The following CRACR2A variants were observed in gnomAD, a reference collection of about 807,000 sequenced individuals.
CRACR2A encodes the protein EF-hand calcium-binding domain-containing protein 4B.
In CRACR2A, 79 loss-of-function variants were observed where a neutral mutation model predicts 90.5. The ratio of observed to expected loss-of-function variants is 0.87; its 90% confidence interval spans 0.73 to 1.05. The LOEUF is 1.05. Ranked by LOEUF, CRACR2A falls within the 50% of genes least tolerant of loss-of-function variation. The pLI is 0.00. For synonymous variants in CRACR2A, 338 were observed against 356.7 expected (o/e 0.95, Z 0.59); for missense variants, 823 against 897.2 (o/e 0.92, Z 1.06).
intron 3 of CRACR2A, among the ~76,000 whole-genome samples, chr12:3,697,853 A>G (rs1024091469): frequency 6.6e-6 from 1 of 152,212 alleles, no homozygotes; most frequent in Non-Finnish European, 1.5e-5. Context: ...CCGAATCACA[A>G]ATCATACACT....
In CRACR2A at chr12:3,627,435, C is replaced by A. The variant is rs1944285518; in HGVS notation, c.1932+1G>T. ...TGCTCCTAGGAAGGTCGCCAGCTCA[C>A]CTCCACGCTGCTCAGCCACCGCCGG... On this transcript the variant is annotated splice_donor_variant, in intron 17 of 19. Transcript: ENST00000440314. LOFTEE classifies it high-confidence loss of function. 6.4e-7 allele frequency: 1 copy of A among 1,551,496 alleles called. No individual in the cohort carries two copies. The highest frequency in any genetic ancestry group is 8.7e-7 in the Non-Finnish European group (1 of 1,146,750).
intron 3 of CRACR2A, among the ~76,000 whole-genome samples, chr12:3,704,889 C>A (rs1372621294): frequency 6.6e-6 from 1 of 152,206 alleles, no homozygotes; most frequent in African/African-American, 2.4e-5. Context: ...CCCTGTGTCC[C>A]CTGGCTAGAC....
At chr12:3,660,480 C>T (rs1207928920) in intron 7 of CRACR2A, among the ~76,000 whole-genome samples, 1 of 152,028 alleles carries the variant, frequency 6.6e-6, no homozygotes, top group African/African-American at 2.4e-5. Flanking sequence ...AAACACACAG[C>T]CTATAGAGAG....
chr12:3,641,007 C>A (rs1162551182), intron 13 of CRACR2A, among the ~76,000 whole-genome samples: 1 of 152,214 alleles, frequency 6.6e-6, no homozygotes, highest in Non-Finnish European at 1.5e-5. Context: ...TTCTATTTGA[C>A]AGTTTAATTA....
At chr12:3,660,887 C>CACACACACACACA (rs1271154180) in intron 7 of CRACR2A, among the ~76,000 whole-genome samples, 2 of 118,978 alleles carry the variant, frequency 1.7e-5, no homozygotes, top group Admixed American at 9.4e-5. Flanking sequence ...CACACACACA[C>CACACACACACACA]AATTTTGGCC....
chr12:3,619,301 G>A lies in CRACR2A; in HGVS notation c.2004C>T (p.Val668=), dbSNP rs940446842. ...NKLDNEKERE[V]PRGLGEQLAT... Reference sequence around the variant, plus strand: ...CAAGCTGCTCTCCGAGGCCCCGGGGGACTTCCCGCTCCTTCTCGTTGTCAA... The same window carrying A: ...CAAGCTGCTCTCCGAGGCCCCGGGGAACTTCCCGCTCCTTCTCGTTGTCAA... Residue 668 remains valine (V), a synonymous_variant, in exon 18 of 20, where the codon GTC becomes GTT. Transcript: ENST00000440314. 6.4e-7 allele frequency: 1 copy of A among 1,551,642 alleles called. No homozygotes were observed. The highest frequency in any genetic ancestry group is 8.7e-7 in the Non-Finnish European group (1 of 1,146,986).
chr12:3,687,164 G>A (rs1009603328), intron 4 of CRACR2A, among the ~76,000 whole-genome samples: 1 of 151,620 alleles, frequency 6.6e-6, no homozygotes, highest in African/African-American at 2.4e-5. Flanking sequence ...TGGAGGAGGG[G>A]CTTGCTCCTC....
At chr12:3,628,050 T>C (rs146666935) in intron 15 of CRACR2A, among the ~76,000 whole-genome samples, 9,696 of 115,388 alleles carry the variant, frequency 0.084, 466 homozygotes, top group Middle Eastern at 0.15. Flanking sequence ...TCCTTCCCTC[T>C]CTCTCTCTTT....
At chr12:3,660,829 AACACAC>A (rs58293233) in intron 7 of CRACR2A, among the ~76,000 whole-genome samples, 11,880 of 119,358 alleles carry the variant, frequency 0.1, 621 homozygotes, top group South Asian at 0.11. Flanking sequence ...CTGAACATGC[AACACAC>A]ACACACACAC....
chr12:3,617,833 C>T (rs1451365414), intron 18 of CRACR2A, among the ~76,000 whole-genome samples: 2 of 152,158 alleles, frequency 1.3e-5, no homozygotes, highest in African/African-American at 2.4e-5. Context: ...GAGGACAGTT[C>T]TGTGGCTGTA....
In CRACR2A at chr12:3,644,612, G is replaced by A. The variant is rs184556404; in HGVS notation, c.1147C>T (p.Arg383Trp). Residue 383 changes from arginine (R) to tryptophan (W), a missense_variant, in exon 12 of 20, where the codon CGG (arginine) becomes TGG (tryptophan). Transcript: ENST00000440314. ...CCAATTACCTGAAAACATATGTCCC[G>A]TTCATCCCGAAGGTGCTTGTTCCTT... is the stretch of plus-strand genomic sequence containing the variant. ...RERNKHLRDE[R>W]DICFQKNKAA... 58 of 1,551,598 alleles carry A rather than the reference G, an allele frequency of 3.7e-5. No homozygotes were observed. The highest frequency in any genetic ancestry group is 3.3e-4 in the African/African-American group (24 of 73,148).
intron 1 of CRACR2A, among the ~76,000 whole-genome samples, chr12:3,752,346 A>G (rs61908624): frequency 3.2e-4 from 7 of 21,716 alleles, no homozygotes; most frequent in Non-Finnish European, 7.8e-4. Flanking sequence ...GGACACACAC[A>G]CACACACACG....
At position 3,738,044 on chromosome 12, in the gene CRACR2A, T is replaced by C. The variant is rs548722027; in HGVS notation, c.-386-4834A>G. Among the ~76,000 whole-genome samples the C allele has an allele frequency of 2.2e-4, 34 of 152,374 alleles. No homozygotes were observed. The South Asian group carries it at 6.4e-3, about 29-fold the overall frequency. On this transcript the variant is annotated intron_variant, in intron 1 of 19. Transcript: ENST00000440314. ...CGAGTGGCTTCTCATCACAACACCC[T>C]ATGCACTCTTTAGGGTATTCATAAA...
intron 2 of CRACR2A, among the ~76,000 whole-genome samples, chr12:3,724,201 G>T (rs1295487790): frequency 6.6e-6 from 1 of 152,144 alleles, no homozygotes; most frequent in East Asian, 1.9e-4. Context: ...TGAGCTCTCT[G>T]CTCCCAGAGT....
At chr12:3,685,609 T>C (rs552785430) in intron 4 of CRACR2A, among the ~76,000 whole-genome samples, 6 of 152,324 alleles carry the variant, frequency 3.9e-5, no homozygotes, top group African/African-American at 1.2e-4. Flanking sequence ...GACATTATAC[T>C]AAGTGAAATA....
chr12:3,633,860 C>T lies in CRACR2A; in HGVS notation c.1603-124G>A. 1 of 1,335,546 alleles carries T rather than the reference C, an allele frequency of 7.5e-7. No homozygotes were observed. The highest frequency in any genetic ancestry group is 1.0e-6 in the Non-Finnish European group (1 of 983,772). 82.7% of individuals were successfully genotyped at this position (1,335,546 alleles called of 1,614,324 possible). ...AGGAGGTGCAGACCGGCCTCTAGAC[C>T]TGCACCAGGAGGCTGCCACAGCCTC... On this transcript the variant is annotated intron_variant, in intron 14 of 19. Coordinates refer to ENST00000440314, the MANE Select transcript of CRACR2A (RefSeq NM_001144958.2). This position sits in a 1 kb window ranked among gnomAD's most constrained non-coding sequence, Gnocchi z 4.5.
At chr12:3,705,824 G>T (rs1315452028) in intron 3 of CRACR2A, among the ~76,000 whole-genome samples, 3 of 152,106 alleles carry the variant, frequency 2.0e-5, no homozygotes, top group Non-Finnish European at 4.4e-5. Context: ...ATACACATTT[G>T]GTGTCAGAAA....
chr12:3,669,607 T>TA (rs951587514), intron 7 of CRACR2A, among the ~76,000 whole-genome samples: 6 of 152,032 alleles, frequency 3.9e-5, no homozygotes, highest in Admixed American at 3.9e-4. Context: ...ATATGCAGGT[T>TA]AAAAAAAATT....
chr12:3,626,573 G>GT (rs1944264836), intron 17 of CRACR2A, among the ~76,000 whole-genome samples: 1 of 152,192 alleles, frequency 6.6e-6, no homozygotes, highest in Non-Finnish European at 1.5e-5. Flanking sequence ...AGGATTCCCA[G>GT]GCTCTAGAAT....
Sources: allele counts gnomAD v4.1 joint callset (sites outside exome capture counted in the v4.1 genomes callset), GRCh38; gene constraint gnomAD v4.1.1; non-coding constraint Gnocchi (gnomAD v3.1); transcripts MANE v1.5; gene names NCBI Gene and HGNC (gene_info 2026-07-23, HGNC 2026-07-21).